Variants in PLAGL1 observed in about 807,000 individuals in gnomAD.
The protein encoded by PLAGL1 is PLAG1 like zinc finger 1, also known as zinc finger protein PLAGL1.
In PLAGL1, 1 loss-of-function variant was observed where a neutral mutation model predicts 4.6. The ratio of observed to expected loss-of-function variants is 0.22; its 90% CI spans 0.08 to 1.03. The LOEUF (loss-of-function observed/expected upper bound fraction) is 1.03, where lower values mean the gene tolerates loss of function less well. PLAGL1 is among the 50% of genes least tolerant of loss of function. The pLI is 0.58. For synonymous variants in PLAGL1, 240 were observed against 237.8 expected (o/e 1.01, Z -0.08); for missense variants, 464 against 570.4 (o/e 0.81, Z 1.90).
intron 6 of PLAGL1, among the ~76,000 whole-genome samples, chr6:143,951,078 G>A (rs1178706998): frequency 6.6e-6 from 1 of 151,174 alleles, no homozygotes; most frequent in Non-Finnish European, 1.5e-5. Flanking sequence ...GAATCCAGTG[G>A]AAAGATTCCC....
chr6:143,950,247 C>T lies in PLAGL1; in HGVS notation c.-324-1787G>A, dbSNP rs1381247967. Among the ~76,000 whole-genome samples, 1 of 152,182 alleles carries T rather than the reference C, an allele frequency of 6.6e-6. No individual in the cohort carries two copies. Among genetic ancestry groups the T allele is most frequent in the Non-Finnish European group, 1.5e-5 (1 of 68,032 alleles). Reference sequence around the variant, plus strand: ...CTGTGATTCTAGCAGCACACACAACCTCTGCAATTATGTGTGACTTTAACT... The same window carrying T: ...CTGTGATTCTAGCAGCACACACAACTTCTGCAATTATGTGTGACTTTAACT... On this transcript the variant is annotated intron_variant, in intron 6 of 7. Coordinates refer to ENST00000674357, the MANE Select transcript of PLAGL1 (RefSeq NM_001317162.2). The surrounding 1 kb of genome is among the most constrained non-coding windows in gnomAD (Gnocchi z 6.3).
At chr6:144,046,449 C>T (rs1798150565) in intron 1 of PLAGL1, among the ~76,000 whole-genome samples, 1 of 152,310 alleles carries the variant, frequency 6.6e-6, no homozygotes, top group African/African-American at 2.4e-5. Flanking sequence ...GGTCTCTCAG[C>T]TGCAGGTCTG....
rs968899531 is a variant in PLAGL1, at chr6:143,968,011, A to C, written c.-472+896T>G. On this transcript the variant is annotated intron_variant, in intron 3 of 7. Coordinates refer to ENST00000674357, the MANE Select transcript of PLAGL1 (RefSeq NM_001317162.2). The surrounding 1 kb of genome is among the most constrained non-coding windows in gnomAD (Gnocchi z 6.3). The stretch of plus-strand genomic sequence containing the variant: ...AGGACATTTTGCAAAAAAAAAAAAA[A>C]AAAAAAACAGTCTGGAGAGAGGCCA... 1 of 150,938 alleles carries C rather than the reference A, an allele frequency of 6.6e-6. No homozygotes were observed. The highest frequency in any genetic ancestry group is 1.5e-5 in the Non-Finnish European group (1 of 67,814). The allele number at this position is 150,938 out of a possible 1,614,324, so 9.3% of individuals were successfully genotyped here.
intron 6 of PLAGL1, among the ~76,000 whole-genome samples, chr6:143,951,525 A>C (rs973413688): frequency 1.3e-5 from 2 of 152,234 alleles, no homozygotes; most frequent in Admixed American, 6.5e-5. Flanking sequence ...ACAAAGAAAA[A>C]AATAAAGCTT....
At chr6:143,946,624 G>A (rs998912401) in intron 7 of PLAGL1, among the ~76,000 whole-genome samples, 2 of 152,218 alleles carry the variant, frequency 1.3e-5, no homozygotes, top group African/African-American at 4.8e-5. Context: ...AGGGCCAGGA[G>A]CATAATTTCC....
chr6:144,045,631 C>T (rs1437006907), intron 1 of PLAGL1, among the ~76,000 whole-genome samples: 4 of 152,164 alleles, frequency 2.6e-5, no homozygotes, highest in African/African-American at 4.8e-5. Flanking sequence ...TTTTTTCCTT[C>T]ATTTCAACCT....
intron 1 of PLAGL1, chr6:144,007,459 G>A (rs1794487637): frequency 6.6e-6 from 1 of 152,184 alleles, no homozygotes; most frequent in South Asian, 2.1e-4. Context: ...CCTAAAACAT[G>A]AAAGTAACAC....
At chr6:144,020,374 GC>G (rs1343214897) in intron 1 of PLAGL1, among the ~76,000 whole-genome samples, 1 of 151,842 alleles carries the variant, frequency 6.6e-6, no homozygotes, top group Non-Finnish European at 1.5e-5. Flanking sequence ...TGCAACCTCC[GC>G]CTCTCAGGTT....
At chr6:144,040,495 C>T (rs966765048) in intron 1 of PLAGL1, among the ~76,000 whole-genome samples, 5 of 151,762 alleles carry the variant, frequency 3.3e-5, no homozygotes, top group African/African-American at 9.7e-5. Context: ...CACCACTACA[C>T]TCTAGCCTGG....
rs1410986665 is a variant in PLAGL1, at chr6:144,055,340, C to A, written c.-151+9128G>T. Among the ~76,000 whole-genome samples, 1 of 152,206 alleles carries A rather than the reference C, an allele frequency of 6.6e-6. No individual in the cohort carries two copies. The highest frequency in any genetic ancestry group is 2.4e-5 in the African/African-American group (1 of 41,440). ...GCCAAGAACAGAAGCAGCACCAGAACCACAACCCACCATGACTTGCTGTGC... is the reference window on the plus strand; with the variant it reads ...GCCAAGAACAGAAGCAGCACCAGAAACACAACCCACCATGACTTGCTGTGC... On this transcript the variant is annotated intron_variant, in intron 1 of 3. Transcript: ENST00000437412. The surrounding 1 kb of genome is among the most constrained non-coding windows in gnomAD (Gnocchi z 5.0).
rs1378235591 is a variant in PLAGL1 at position 144,027,154 on chromosome 6, T to C, written c.-151+37314A>G. Among the ~76,000 whole-genome samples, 2 of 149,240 alleles carry C rather than the reference T, an allele frequency of 1.3e-5. No individual in the cohort carries two copies. Among genetic ancestry groups the C allele is most frequent in the African/African-American group, 5.0e-5 (2 of 40,244 alleles). ...TGGGAGGATCACCTGAGCCCACGAG[T>C]TTGAGGCTGTGGAGAGCCATGATCA... On this transcript the variant is annotated intron_variant, in intron 1 of 3. Transcript: ENST00000437412. This position sits in a 1 kb window ranked among gnomAD's most constrained non-coding sequence, Gnocchi z 5.8.
rs1783830996 is a variant in PLAGL1 at position 143,963,575 on chromosome 6, T to A, written c.-399+1212A>T. Among the ~76,000 whole-genome samples the A allele has an allele frequency of 6.6e-6, 1 of 152,232 alleles. No individual in the cohort carries two copies. The highest frequency in any genetic ancestry group is 2.1e-4 in the South Asian group (1 of 4,834). ...TGGGGAAAGTAAGGCTTAGAAGTTATGCTGATTTGCCCATGATCCTACAGC... is the reference window on the plus strand; with the variant it reads ...TGGGGAAAGTAAGGCTTAGAAGTTAAGCTGATTTGCCCATGATCCTACAGC... On this transcript the variant is annotated intron_variant, in intron 5 of 7. Coordinates refer to ENST00000674357, the MANE Select transcript of PLAGL1 (RefSeq NM_001317162.2). The surrounding 1 kb of genome is among the most constrained non-coding windows in gnomAD (Gnocchi z 6.1).
intron 2 of PLAGL1, among the ~76,000 whole-genome samples, chr6:143,980,848 A>G (rs1048295464): frequency 6.6e-6 from 1 of 152,216 alleles, no homozygotes; most frequent in Non-Finnish European, 1.5e-5. Context: ...GATACAGTTA[A>G]GCTACTTCAA....
At chr6:143,945,000 C>G (rs1317642644) in intron 7 of PLAGL1, among the ~76,000 whole-genome samples, 1 of 152,170 alleles carries the variant, frequency 6.6e-6, no homozygotes, top group African/African-American at 2.4e-5. Flanking sequence ...AAGTGGGGCA[C>G]AGTCTGACAC....
rs2128542030 is a variant in PLAGL1, at chr6:143,955,398, TG to T, written c.-325+5070del. Among the ~76,000 whole-genome samples, 1 of 152,150 alleles carries T rather than the reference TG, an allele frequency of 6.6e-6. No homozygotes were observed. The highest frequency in any genetic ancestry group is 2.1e-4 in the South Asian group (1 of 4,818). Reference sequence around the variant, plus strand: ...AAGGGTCCACTCTACAAGGGGAAGGTGGGCTTTTTTGTCATAAATTGTTTTT... The same window carrying T: ...AAGGGTCCACTCTACAAGGGGAAGGTGGCTTTTTTGTCATAAATTGTTTTT... On this transcript the variant is annotated intron_variant, in intron 6 of 7. Transcript: ENST00000674357. This position sits in a 1 kb window ranked among gnomAD's most constrained non-coding sequence, Gnocchi z 4.9.
chr6:144,042,790 T>C (rs1797838824), intron 1 of PLAGL1, among the ~76,000 whole-genome samples: 1 of 152,248 alleles, frequency 6.6e-6, no homozygotes, highest in South Asian at 2.1e-4. Context: ...ATGATATTGA[T>C]TCTTCCTACC....
chr6:144,009,167 G>C (rs1794934717), upstream of PLAGL1, among the ~76,000 whole-genome samples: 1 of 152,190 alleles, frequency 6.6e-6, no homozygotes, highest in East Asian at 1.9e-4. Flanking sequence ...TACCTTTAGG[G>C]GGTAACCCTG....
At chr6:144,009,166 G>C (rs941401799), upstream of PLAGL1, among the ~76,000 whole-genome samples, 8 of 152,144 alleles carry the variant, frequency 5.3e-5, no homozygotes, top group South Asian at 4.1e-4. Context: ...CTACCTTTAG[G>C]GGGTAACCCT....
rs1388236770 is a variant in PLAGL1 at position 144,006,243 on chromosome 6, AACAG to A, written c.-584+1843_-584+1846del. ...TAAAAAGAAGCCAGGAAATAAGAAT[AACAG>A]ACGGAGAGCCCTAGACTCAGGCTTC... On this transcript the variant is annotated intron_variant, in intron 1 of 7. Coordinates refer to ENST00000674357, the MANE Select transcript of PLAGL1 (RefSeq NM_001317162.2). This position sits in a 1 kb window ranked among gnomAD's most constrained non-coding sequence, Gnocchi z 4.3. The A allele has an allele frequency of 6.6e-6, 1 of 152,164 alleles. No homozygotes were observed. The highest frequency in any genetic ancestry group is 6.5e-5 in the Admixed American group (1 of 15,280). The allele number at this position is 152,164 out of a possible 1,614,324, so 9.4% of individuals were successfully genotyped here.
Sources: allele counts gnomAD v4.1 joint callset (sites outside exome capture counted in the v4.1 genomes callset), GRCh38; gene constraint gnomAD v4.1.1; non-coding constraint Gnocchi (gnomAD v3.1); transcripts MANE v1.5; gene names NCBI Gene and HGNC (gene_info 2026-07-23, HGNC 2026-07-21).